The following SLC28A2 variants were observed in gnomAD, a reference collection of about 807,000 sequenced individuals.
SLC28A2 encodes solute carrier family 28 member 2.
SLC28A2 carries 69 observed loss-of-function variants against 72.9 expected under a neutral mutation model. That is an observed-to-expected ratio of 0.95 (90% confidence interval 0.78 to 1.16). The LOEUF is 1.16. Ranked by LOEUF, SLC28A2 falls within the 50% of genes most tolerant of loss-of-function variation. The probability of loss-of-function intolerance (pLI) is 0.00; values close to 1 mark genes in which losing one functional copy is unlikely to be tolerated. For missense variants in SLC28A2, 745 were observed against 791.1 expected (o/e 0.94, Z 0.70); for synonymous variants, 296 against 294.1 (o/e 1.01, Z -0.07).
chr15:45,253,090 AAG>A, intron 1 of SLC28A2, 108 bp from the exon 2 acceptor site: 1 of 625,238 alleles, frequency 1.6e-6, no homozygotes, highest in Non-Finnish European at 2.9e-6. Context: ...TAAGCCTTCA[AAG>A]ACTTTTAGTT....
intron 3 of SLC28A2, among the ~76,000 whole-genome samples, chr15:45,260,104 G>A (rs1175701482): frequency 6.6e-6 from 1 of 152,202 alleles, no homozygotes; most frequent in African/African-American, 2.4e-5. Context: ...CCATAAGAAA[G>A]GATAATGCAA....
At chr15:45,254,605 T>C (rs1024710496) in intron 3 of SLC28A2, among the ~76,000 whole-genome samples, 6 of 152,192 alleles carry the variant, frequency 3.9e-5, no homozygotes, top group African/African-American at 1.4e-4. Context: ...AATTATGAAA[T>C]TGACTAATGT....
intron 2 of SLC28A2, 47 bp downstream of exon 2, chr15:45,253,343 T>TGGGCTCCTGTAG: frequency 6.4e-7 from 1 of 1,555,120 alleles, no homozygotes; most frequent in Non-Finnish European, 8.9e-7. Context: ...GGCTGCTGCA[T>TGGGCTCCTGTAG]GGGCTCCTGT....
intron 7 of SLC28A2, 22 bp from the exon 8 acceptor site, chr15:45,265,067 C>G (rs1900289476): frequency 1.5e-5 from 24 of 1,576,460 alleles, no homozygotes; most frequent in Non-Finnish European, 2.1e-5. Flanking sequence ...TATTCTCTGT[C>G]TTTTTCTTTT....
chr15:45,273,456 G>C (rs1900653308), intron 17 of SLC28A2, among the ~76,000 whole-genome samples: 1 of 152,172 alleles, frequency 6.6e-6, no homozygotes, highest in Non-Finnish European at 1.5e-5. Flanking sequence ...TAGAATGTTT[G>C]GTGCCTTCAA....
chr15:45,254,349 G>A (rs531433239), intron 3 of SLC28A2, among the ~76,000 whole-genome samples: 1 of 152,282 alleles, frequency 6.6e-6, no homozygotes, highest in African/African-American at 2.4e-5. Flanking sequence ...TATCAACGGT[G>A]TATATCATTA....
chr15:45,266,807 C>T (rs571722342), intron 10 of SLC28A2, among the ~76,000 whole-genome samples: 1 of 152,276 alleles, frequency 6.6e-6, no homozygotes, highest in East Asian at 1.9e-4. Flanking sequence ...CCATAATCAG[C>T]CTAGTTTCCT....
At chr15:45,264,062 G>C (rs375303827) in intron 6 of SLC28A2, 40 bp downstream of exon 6, 2 of 1,569,092 alleles carry the variant, frequency 1.3e-6, no homozygotes, top group African/African-American at 1.4e-5. Flanking sequence ...GCAACACATG[G>C]CCAAGGGCCA....
Position 45,268,381 on chromosome 15 carries a change from A to C in SLC28A2, c.1368+3A>C. 6.3e-7 allele frequency: 1 copy of C among 1,584,022 alleles called. No individual in the cohort carries two copies. The highest frequency in any genetic ancestry group is 1.1e-5 in the South Asian group (1 of 89,200). ...ACATACAGGGGCTCACTTTCCAGGT[A>C]AAGGATTACATTTGTTGGGCTGTCC... is the stretch of plus-strand genomic sequence containing the variant. On this transcript the variant is annotated splice_donor_region_variant and intron_variant, in intron 13 of 17. Coordinates refer to ENST00000347644, the MANE Select transcript of SLC28A2 (RefSeq NM_004212.4).
intron 5 of SLC28A2, 147 bp from the exon 6 acceptor site, chr15:45,263,734 C>T (rs892029327): frequency 2.4e-5 from 16 of 672,946 alleles, no homozygotes; most frequent in African/African-American, 1.7e-4. Flanking sequence ...TCTGAACTGG[C>T]GTCTACAGCA....
chr15:45,265,703 A>T, intron 9 of SLC28A2, 40 bp downstream of exon 9: 1 of 1,326,664 alleles, frequency 7.5e-7, no homozygotes, highest in Admixed American at 1.7e-5. Context: ...ACAGGCCTTC[A>T]TCCTGTCATC....
intron 10 of SLC28A2, among the ~76,000 whole-genome samples, chr15:45,266,570 G>A (rs1029427278): frequency 8.5e-5 from 13 of 152,072 alleles, no homozygotes; most frequent in African/African-American, 3.1e-4. Flanking sequence ...CATCGCTAAC[G>A]CCCAGGCTCT....
rs1900784046 is a variant in SLC28A2 at position 45,277,463 on chromosome 15, A to T, written c.*1950A>T. On this transcript the variant is annotated 3_prime_UTR_variant, in exon 18 of 18. Coordinates refer to ENST00000347644, the MANE Select transcript of SLC28A2 (RefSeq NM_004212.4). Reference sequence around the variant, plus strand: ...CATCAATGGATAAATTGTGTTACATACACACAATGGAATTTTATTCACCCA... The same window carrying T: ...CATCAATGGATAAATTGTGTTACATTCACACAATGGAATTTTATTCACCCA... The T allele has an allele frequency of 1.3e-5, 2 of 151,674 alleles. No homozygotes were observed. Among genetic ancestry groups the T allele is most frequent in the Non-Finnish European group, 2.9e-5 (2 of 67,928 alleles). 9.4% of individuals were successfully genotyped at this position (151,674 alleles called of 1,614,324 possible).
At chr15:45,274,011 G>C (rs113058579) in intron 17 of SLC28A2, among the ~76,000 whole-genome samples, 4,193 of 151,988 alleles carry the variant, frequency 0.028, 219 homozygotes, top group African/African-American at 0.098. Flanking sequence ...GGCTTGTCTT[G>C]AACTCCTGGA....
intron 7 of SLC28A2, 154 bp downstream of exon 7, chr15:45,264,922 T>C: frequency 1.4e-6 from 1 of 729,272 alleles, no homozygotes; most frequent in South Asian, 1.7e-5. Flanking sequence ...CAGCTAAGAA[T>C]ATGAATAAAG....
Position 45,263,073 on chromosome 15 carries a change from A to G in SLC28A2, c.275A>G (p.Tyr92Cys), listed in dbSNP as rs1900210714. ...LGLLCLAYAA[Y>C]LLAACILNFQ... ...CTTCTCTTTTTAGCCTATGCTGCCT[A>G]TCTCCTGGCAGCTTGCATCTTGAAT... Residue 92 changes from tyrosine (Y) to cysteine (C), a missense_variant, in exon 5 of 18, where the codon TAT becomes TGT. Transcript: ENST00000347644. 6.2e-7 allele frequency: 1 copy of G among 1,613,084 alleles called. No homozygotes were observed. Among genetic ancestry groups the G allele is most frequent in the African/African-American group, 1.3e-5 (1 of 74,852 alleles).
chr15:45,266,230 A>G lies in SLC28A2; in HGVS notation c.942+69A>G, dbSNP rs1900332752. ...TGAGAATTTGGCACAAAACAAGAGTATGCTTTCCTTCTGAAAAGTCAAATA... is the reference window on the plus strand; with the variant it reads ...TGAGAATTTGGCACAAAACAAGAGTGTGCTTTCCTTCTGAAAAGTCAAATA... On this transcript the variant is annotated intron_variant, in intron 10 of 17. Transcript: ENST00000347644. 5.4e-6 allele frequency: 6 copies of G among 1,118,392 alleles called. No individual in the cohort carries two copies. The South Asian group carries it at 7.5e-5, about 14-fold the overall frequency. The allele number at this position is 1,118,392 out of a possible 1,614,324, so 69.3% of individuals were successfully genotyped here.
intron 8 of SLC28A2, 70 bp downstream of exon 8, chr15:45,265,236 T>C (rs781322027): frequency 1.1e-5 from 12 of 1,103,092 alleles, no homozygotes; most frequent in East Asian, 2.4e-5. Context: ...AGGATGAAAG[T>C]GTGTGTCCAA....
In SLC28A2 at chr15:45,272,728, A is replaced by G; in HGVS notation, c.1803A>G (p.Thr601=). 1 of 1,613,372 alleles carries G rather than the reference A, an allele frequency of 6.2e-7. No homozygotes were observed. The change falls in exon 17 of 18, where the codon ACA becomes ACG. Residue 601 remains threonine, a synonymous_variant. Transcript: ENST00000347644. ...CTGACTGTGTCTCCTTCCCAAACAC[A>G]AGTTTCACCAATAGAACCTATGAGA... is the stretch of plus-strand genomic sequence containing the variant. ...AEADCVSFPN[T]SFTNRTYETY...
Sources: allele counts gnomAD v4.1 joint callset (sites outside exome capture counted in the v4.1 genomes callset), GRCh38; gene constraint gnomAD v4.1.1; transcripts MANE v1.5; gene names NCBI Gene and HGNC (gene_info 2026-07-23, HGNC 2026-07-21).